The following ANAPC1 variants were observed in gnomAD, a reference collection of about 807,000 sequenced individuals.
ANAPC1 encodes the protein anaphase-promoting complex subunit 1.
Under a neutral mutation model 208.0 loss-of-function variants are expected in ANAPC1, and 36 were observed. That is an observed-to-expected ratio of 0.17 (90% confidence interval 0.13 to 0.23). The LOEUF is 0.23. Ranked by LOEUF, ANAPC1 falls within the 10% of genes least tolerant of loss-of-function variation. The pLI is 1.00. For synonymous variants in ANAPC1, 378 were observed against 695.2 expected (o/e 0.54, Z 7.18); for missense variants, 942 against 2,011.6 (o/e 0.47, Z 10.17).
intron 17 of ANAPC1, among the ~76,000 whole-genome samples, chr2:111,840,789 T>C (rs1214365452): frequency 6.6e-6 from 1 of 152,224 alleles, no homozygotes; most frequent in Non-Finnish European, 1.5e-5. Context: ...ACACCTGTAA[T>C]CCTAGCACTT....
Position 111,825,221 on chromosome 2 carries a change from C to G in ANAPC1, c.2705-54G>C, listed in dbSNP as rs888081943. The G allele has an allele frequency of 8.8e-6, 14 of 1,585,438 alleles. No homozygotes were observed. In the African/African-American group the frequency reaches 1.6e-4, roughly 19 times the overall value. On this transcript the variant is annotated intron_variant, in intron 22 of 47. Transcript: ENST00000341068. ...TTGATAGTCATCCTGGTAAAGAAAA[C>G]ATGTAACATGTAGAAAACATTTGAA...
chr2:111,828,221 G>C (rs1417766161), intron 21 of ANAPC1, among the ~76,000 whole-genome samples: 1 of 151,994 alleles, frequency 6.6e-6, no homozygotes, highest in Non-Finnish European at 1.5e-5. Flanking sequence ...AAAACAATGA[G>C]ATATCACTTC....
At chr2:111,858,616 G>C (rs1681871499) in intron 10 of ANAPC1, among the ~76,000 whole-genome samples, 1 of 151,984 alleles carries the variant, frequency 6.6e-6, no homozygotes, top group African/African-American at 2.4e-5. Flanking sequence ...AAATAAATTA[G>C]CCAGGCATGA....
Position 111,878,889 on chromosome 2 carries a change from A to T in ANAPC1, c.296T>A (p.Met99Lys). The change falls in exon 3 of 48, where the codon ATG becomes AAG. Residue 99 changes from methionine to lysine, a missense_variant. Met to Lys is a moderately conservative substitution (Grantham distance 95). Coordinates refer to ENST00000341068, the MANE Select transcript of ANAPC1 (RefSeq NM_022662.4). ...TTTACTTCCTTTGCTCCATATCACCATATTTCCAGCAACATAGAGTTCCTC... is the reference window on the plus strand; with the variant it reads ...TTTACTTCCTTTGCTCCATATCACCTTATTTCCAGCAACATAGAGTTCCTC... ...YDEELYVAGN[M>K]VIWSKGSKSQ... is the part of the protein sequence containing the mutation. 2 of 1,607,066 alleles carry T rather than the reference A, an allele frequency of 1.2e-6. No individual in the cohort carries two copies. Among genetic ancestry groups the T allele is most frequent in the Non-Finnish European group, 1.7e-6 (2 of 1,177,930 alleles).
chr2:111,836,028 T>C (rs1247630023), intron 18 of ANAPC1, among the ~76,000 whole-genome samples: 1 of 152,070 alleles, frequency 6.6e-6, no homozygotes, highest in African/African-American at 2.4e-5. Context: ...TAGATAAAGA[T>C]TTGAATAGAA....
At chr2:111,848,381 G>A (rs945962996) in intron 14 of ANAPC1, among the ~76,000 whole-genome samples, 2 of 149,884 alleles carry the variant, frequency 1.3e-5, no homozygotes, top group Non-Finnish European at 3.0e-5. Flanking sequence ...AAATTTTGGT[G>A]GTAAGAGGAA....
intron 14 of ANAPC1, among the ~76,000 whole-genome samples, chr2:111,848,670 GGGAGGCTGAGGCAGA>G (rs1681224597): frequency 6.6e-6 from 1 of 151,450 alleles, no homozygotes; most frequent in South Asian, 2.1e-4. Context: ...CCAGCTATTT[GGGAGGCTGAGGCAGA>G]AGAATCGCTT....
intron 16 of ANAPC1, 64 bp downstream of exon 16, chr2:111,847,074 A>C (rs1681132114): frequency 7.4e-7 from 1 of 1,349,502 alleles, no homozygotes; most frequent in African/African-American, 1.5e-5. Flanking sequence ...AATGTTTAAA[A>C]CCCCAATTAT....
intron 6 of ANAPC1, among the ~76,000 whole-genome samples, chr2:111,868,486 T>C (rs1176959106): frequency 6.6e-6 from 1 of 152,170 alleles, no homozygotes; most frequent in Non-Finnish European, 1.5e-5. Context: ...GACAAAGGAA[T>C]GCATTTTTTA....
Position 111,768,382 on chromosome 2 carries a change from T to TA in ANAPC1, c.*908dup, listed in dbSNP as rs1449352905. ...TCTATTTAGAGCAGGCTTCACGTAT[T>TA]AGTCTGCCTGGGCTGCCATAACAAA... On this transcript the variant is annotated 3_prime_UTR_variant, in exon 48 of 48. Coordinates refer to ENST00000341068, the MANE Select transcript of ANAPC1 (RefSeq NM_022662.4). 5 of 151,996 alleles carry TA rather than the reference T, an allele frequency of 3.3e-5. No individual in the cohort carries two copies. Among genetic ancestry groups the TA allele is most frequent in the Admixed American group, 6.5e-5 (1 of 15,270 alleles). 9.4% of individuals were successfully genotyped at this position (151,996 alleles called of 1,614,324 possible).
chr2:111,810,098 T>C (rs1168403191), intron 28 of ANAPC1, among the ~76,000 whole-genome samples: 10 of 152,106 alleles, frequency 6.6e-5, no homozygotes, highest in African/African-American at 2.4e-4. Context: ...ATTCATAAAA[T>C]AAAACATTTA....
chr2:111,833,449 G>A (rs7568001), intron 19 of ANAPC1, 138 bp from the exon 20 acceptor site: 100,573 of 1,318,760 alleles, frequency 0.076, 4,408 homozygotes, highest in South Asian at 0.19. Context: ...TCTCTCTATT[G>A]TATTTTTGGA....
At chr2:111,856,328 ACTTT>A in intron 13 of ANAPC1, 1 of 257,092 alleles carries the variant, frequency 3.9e-6, no homozygotes, top group East Asian at 7.6e-5. Flanking sequence ...CAATTTCAAA[ACTTT>A]AACTTTAAAA....
chr2:111,851,449 T>C (rs1232522740), intron 13 of ANAPC1, among the ~76,000 whole-genome samples: 1 of 152,022 alleles, frequency 6.6e-6, no homozygotes, highest in Non-Finnish European at 1.5e-5. Flanking sequence ...AATGTTAATA[T>C]AGTCAACACA....
chr2:111,840,685 C>A (rs1221649643), intron 17 of ANAPC1, among the ~76,000 whole-genome samples: 1 of 152,164 alleles, frequency 6.6e-6, no homozygotes, highest in African/African-American at 2.4e-5. Flanking sequence ...GAGGCTTAAT[C>A]TTTTCACATG....
chr2:111,836,562 G>T (rs1284951350), intron 18 of ANAPC1, among the ~76,000 whole-genome samples: 1 of 151,416 alleles, frequency 6.6e-6, no homozygotes, highest in Non-Finnish European at 1.5e-5. Context: ...TAGGAGGATG[G>T]CTTGAGCCTA....
chr2:111,838,926 C>G (rs1680616879), intron 17 of ANAPC1, among the ~76,000 whole-genome samples: 1 of 151,360 alleles, frequency 6.6e-6, no homozygotes, highest in African/African-American at 2.5e-5. Context: ...AGTCCACCTA[C>G]AGTAAACTAT....
intron 47 of ANAPC1, among the ~76,000 whole-genome samples, chr2:111,771,468 C>T (rs1328562852): frequency 2.0e-5 from 3 of 151,452 alleles, no homozygotes; most frequent in Non-Finnish European, 4.4e-5. Flanking sequence ...GCTCCTCAGC[C>T]CTGCAGCATT....
At chr2:111,787,216 T>G (rs1573322891) in intron 39 of ANAPC1, among the ~76,000 whole-genome samples, 1 of 149,444 alleles carries the variant, frequency 6.7e-6, no homozygotes, top group South Asian at 2.1e-4. Context: ...CTAAGCCAAA[T>G]AGCTATGACC....
Sources: allele counts gnomAD v4.1 joint callset (sites outside exome capture counted in the v4.1 genomes callset), GRCh38; gene constraint gnomAD v4.1.1; transcripts MANE v1.5; gene names NCBI Gene and HGNC (gene_info 2026-07-23, HGNC 2026-07-21).